The following CRACR2A variants were observed in gnomAD, a reference collection of about 807,000 sequenced individuals.
CRACR2A encodes the protein calcium release activated channel regulator 2A.
In CRACR2A, 79 loss-of-function variants were observed where a neutral mutation model predicts 90.5. That is an observed-to-expected ratio of 0.87 (90% confidence interval 0.73 to 1.05). The LOEUF is 1.05. Ranked by LOEUF, CRACR2A falls within the 50% of genes least tolerant of loss-of-function variation. The probability of loss-of-function intolerance (pLI) is 0.00; values close to 1 mark genes in which losing one functional copy is unlikely to be tolerated. For missense variants in CRACR2A, 823 were observed against 897.2 expected (o/e 0.92, Z 1.06); for synonymous variants, 338 against 356.7 (o/e 0.95, Z 0.59).
intron 1 of CRACR2A, among the ~76,000 whole-genome samples, chr12:3,735,484 C>T (rs1447618459): frequency 6.6e-6 from 1 of 152,182 alleles, no homozygotes; most frequent in African/African-American, 2.4e-5. Context: ...AAATAACAAC[C>T]AACAATGGTG....
At chr12:3,654,143 G>C in intron 10 of CRACR2A, 69 bp downstream of exon 10, 2 of 1,556,124 alleles carry the variant, frequency 1.3e-6, no homozygotes, top group Non-Finnish European at 1.7e-6. Context: ...TCTGAGCGGC[G>C]AGGGGACATG....
intron 8 of CRACR2A, among the ~76,000 whole-genome samples, chr12:3,659,110 A>G (rs773324294): frequency 3.9e-5 from 6 of 152,234 alleles, no homozygotes; most frequent in African/African-American, 9.6e-5. Context: ...TGCTGGGCAC[A>G]GGGTGAACTG....
At chr12:3,653,360 T>C (rs1944836408) in intron 10 of CRACR2A, among the ~76,000 whole-genome samples, 1 of 152,218 alleles carries the variant, frequency 6.6e-6, no homozygotes, top group South Asian at 2.1e-4. Context: ...GCACGGTACC[T>C]AGCACAAAAT....
At chr12:3,674,839 TTAAA>T (rs1647596274) in intron 6 of CRACR2A, among the ~76,000 whole-genome samples, 1 of 152,276 alleles carries the variant, frequency 6.6e-6, no homozygotes, top group South Asian at 2.1e-4. Context: ...CTTTTGTTAC[TTAAA>T]TATTCACTCT....
chr12:3,690,587 C>A (rs915262772), intron 4 of CRACR2A, among the ~76,000 whole-genome samples: 1 of 152,022 alleles, frequency 6.6e-6, no homozygotes, highest in African/African-American at 2.4e-5. Context: ...AATTATGTGG[C>A]CAAATTAAGA....
intron 4 of CRACR2A, among the ~76,000 whole-genome samples, chr12:3,693,469 C>T (rs1237118223): frequency 1.3e-5 from 2 of 152,172 alleles, no homozygotes; most frequent in African/African-American, 4.8e-5. Context: ...GGGAGTAAGT[C>T]GAGCCTAGGG....
At chr12:3,621,859 A>C (rs958187974) in intron 17 of CRACR2A, among the ~76,000 whole-genome samples, 3 of 151,842 alleles carry the variant, frequency 2.0e-5, no homozygotes, top group Admixed American at 2.0e-4. Context: ...CCGATAAAGG[A>C]GAAACAGACT....
rs1243205263 is a variant in CRACR2A, at chr12:3,697,016, C to G, written c.-17G>C. ...GGCAGCCATCGCGATTAGTCAGTTT[C>G]TTGAAGTCTTTTTCAGAACCTGAAC... On this transcript the variant is annotated 5_prime_UTR_variant, in exon 4 of 20. Coordinates refer to ENST00000440314, the MANE Select transcript of CRACR2A (RefSeq NM_001144958.2). The G allele has an allele frequency of 6.3e-6, 10 of 1,592,270 alleles. No individual in the cohort carries two copies. The highest frequency in any genetic ancestry group is 2.3e-5 in the East Asian group (1 of 43,832).
intron 3 of CRACR2A, among the ~76,000 whole-genome samples, chr12:3,701,421 G>C (rs1360795352): frequency 6.6e-6 from 1 of 152,004 alleles, no homozygotes; most frequent in African/African-American, 2.4e-5. Context: ...ACTAAAAGCT[G>C]GTTCTTTGAG....
intron 2 of CRACR2A, chr12:3,730,551 A>G (rs1946345314): frequency 6.6e-6 from 1 of 152,258 alleles, no homozygotes; most frequent in South Asian, 2.1e-4. Flanking sequence ...ATGACTAAAA[A>G]CAACCTGTGT....
chr12:3,673,183 C>T (rs1945280234), intron 7 of CRACR2A, among the ~76,000 whole-genome samples: 1 of 152,156 alleles, frequency 6.6e-6, no homozygotes, highest in African/African-American at 2.4e-5. Flanking sequence ...ATAACCAGTC[C>T]CTCCTTCAAA....
intron 5 of CRACR2A, 100 bp from the exon 6 acceptor site, chr12:3,679,198 G>C: frequency 8.6e-7 from 1 of 1,167,218 alleles, no homozygotes. Context: ...TCATCTGAGA[G>C]AAGGAAAGGG....
rs1944728568 is a variant in CRACR2A at position 3,648,350 on chromosome 12, G to A, written c.1118+192C>T. 2.7e-6 allele frequency: 4 copies of A among 1,498,868 alleles called. No individual in the cohort carries two copies. In the African/African-American group the frequency reaches 5.6e-5, roughly 21 times the overall value. The allele number at this position is 1,498,868 out of a possible 1,614,324, so 92.8% of individuals were successfully genotyped here. A position where few individuals can be genotyped will look rare whatever the true frequency, so the allele number is the denominator to read the frequency against. The stretch of plus-strand genomic sequence containing the variant: ...GAATAAACTGGATGTGGGCGCATGT[G>A]TAAACGGACCAAACATAATAGAGTG... On this transcript the variant is annotated intron_variant, in intron 11 of 19. Transcript: ENST00000440314.
intron 2 of CRACR2A, chr12:3,726,289 T>C (rs1946263771): frequency 6.6e-6 from 1 of 152,172 alleles, no homozygotes; most frequent in African/African-American, 2.4e-5. Context: ...CTTCTTTGTA[T>C]CATTCCAATT....
At chr12:3,700,939 A>G (rs1945825590) in intron 3 of CRACR2A, among the ~76,000 whole-genome samples, 1 of 152,218 alleles carries the variant, frequency 6.6e-6, no homozygotes, top group Non-Finnish European at 1.5e-5. Context: ...ACTGACCAAG[A>G]TAATCCATAT....
At chr12:3,692,790 T>C (rs1945672149) in intron 4 of CRACR2A, among the ~76,000 whole-genome samples, 1 of 152,116 alleles carries the variant, frequency 6.6e-6, no homozygotes, top group Non-Finnish European at 1.5e-5. Context: ...TGGGCAACTG[T>C]GTGCATAGTT....
intron 19 of CRACR2A, among the ~76,000 whole-genome samples, chr12:3,616,130 C>T (rs1482057319): frequency 6.6e-6 from 1 of 152,226 alleles, no homozygotes; most frequent in African/African-American, 2.4e-5. Context: ...GGCATTTGCC[C>T]AGGGAGTCAG....
chr12:3,696,738 C>T (rs11062767), intron 4 of CRACR2A, 34 bp downstream of exon 4: 53,171 of 1,613,232 alleles, frequency 0.033, 1,105 homozygotes, highest in Middle Eastern at 0.066. Context: ...ATCTGGCATT[C>T]TCAGTGGGCA....
At chr12:3,731,946 GCTGATACCT>G (rs1318449936) in intron 2 of CRACR2A, 1 of 152,320 alleles carries the variant, frequency 6.6e-6, no homozygotes, top group East Asian at 1.9e-4. Context: ...GTCAGGCCCT[GCTGATACCT>G]TGGTTGCAGA....
Sources: gnomAD v4.1 joint callset for allele counts (sites outside exome capture counted in the v4.1 genomes callset) on GRCh38, gnomAD v4.1.1 for gene constraint, MANE v1.5 for transcripts, NCBI Gene and HGNC (gene_info 2026-07-23, HGNC 2026-07-21) for gene names.